GALNT12: variants seen among roughly 807,000 people sequenced by gnomAD.
GALNT12 encodes UDP-GalNAc:polypeptide N-acetylgalactosaminyltransferase 12.
GALNT12 carries 45 observed loss-of-function variants against 55.5 expected under a neutral mutation model. That is an observed-to-expected ratio of 0.81 (90% CI 0.64 to 1.04). The LOEUF is 1.04. Among genes scored for constraint, GALNT12 ranks in the 50% least tolerant of loss-of-function variants. GALNT12 has a pLI of 0.00. For missense variants in GALNT12, 709 were observed against 754.8 expected (o/e 0.94, Z 0.71); for synonymous variants, 304 against 312.2 (o/e 0.97, Z 0.28).
At chr9:98,826,033 T>C (rs1177947795) in intron 2 of GALNT12, among the ~76,000 whole-genome samples, 2 of 152,074 alleles carry the variant, frequency 1.3e-5, no homozygotes, top group Non-Finnish European at 1.5e-5. Context: ...ATAGACAGGC[T>C]CTCACTCCGG....
At chr9:98,813,153 T>G (rs1305786322) in intron 1 of GALNT12, among the ~76,000 whole-genome samples, 1 of 152,262 alleles carries the variant, frequency 6.6e-6, no homozygotes, top group East Asian at 1.9e-4. Flanking sequence ...GAGAGGTCTA[T>G]TGTTAGTCCT....
At chr9:98,827,638 C>A (rs1325434837) in intron 3 of GALNT12, among the ~76,000 whole-genome samples, 1 of 152,120 alleles carries the variant, frequency 6.6e-6, no homozygotes, top group Non-Finnish European at 1.5e-5. Flanking sequence ...CCAGGAGGAA[C>A]AATGCCTAGG....
chr9:98,823,369 C>T lies in GALNT12; in HGVS notation c.485C>T (p.Thr162Ile), dbSNP rs746381338. The T allele has an allele frequency of 3.7e-6, 6 of 1,614,044 alleles. No individual in the cohort carries two copies. Among genetic ancestry groups the T allele is most frequent in the Non-Finnish European group, 4.2e-6 (5 of 1,179,970 alleles). The change falls in exon 2 of 10, where the codon ACA becomes ATA. Residue 162 changes from threonine to isoleucine, a missense_variant. Around this residue, in one of 5 missense-constraint regions of GALNT12, gnomAD observed 315 missense variants for 288.6 expected, o/e 1.09. Transcript: ENST00000375011. ...CGGACAGTTTACAGTGTCCTTGAGA[C>T]ATCCCCGGATATCCTGCTAGAAGAA... ...LLRTVYSVLE[T>I]SPDILLEEVI...
intron 7 of GALNT12, among the ~76,000 whole-genome samples, chr9:98,842,363 T>C (rs10987943): frequency 0.26 from 39,360 of 151,660 alleles, 5,369 homozygotes; most frequent in East Asian, 0.34. Context: ...TTTATTTTTA[T>C]TTTTAGTAAA....
At chr9:98,808,112 C>G in intron 1 of GALNT12, 43 bp downstream of exon 1, 1 of 1,490,316 alleles carries the variant, frequency 6.7e-7, no homozygotes, top group Non-Finnish European at 9.1e-7. Flanking sequence ...CTCAGAGCCC[C>G]GGGCCTCAGT....
intron 1 of GALNT12, among the ~76,000 whole-genome samples, chr9:98,813,700 A>G (rs567608890): frequency 6.6e-6 from 1 of 152,036 alleles, no homozygotes; most frequent in African/African-American, 2.4e-5. Flanking sequence ...GGGTTTCACC[A>G]TGTTGGTCAG....
chr9:98,827,358 A>C lies in GALNT12; in HGVS notation c.731+417A>C, dbSNP rs141377232. Among the ~76,000 whole-genome samples the C allele has an allele frequency of 6.6e-3, 1,001 of 151,582 alleles. 11 individuals carry two copies. The highest frequency in any genetic ancestry group is 0.022 in the African/African-American group (915 of 41,296). ...TGGGATTACAGGCATGCACCACCAC[A>C]CCTGGCTAATTTTATATTTTTTTGT... is the stretch of plus-strand genomic sequence containing the variant. On this transcript the variant is annotated intron_variant, in intron 3 of 9. Transcript: ENST00000375011.
chr9:98,844,007 C>T, intron 7 of GALNT12, 89 bp from the exon 8 acceptor site: 2 of 871,154 alleles, frequency 2.3e-6, no homozygotes, highest in Non-Finnish European at 3.9e-6. Context: ...AGGCTCTCCT[C>T]TCATGCCAGG....
chr9:98,820,374 G>T (rs930485114), intron 1 of GALNT12, among the ~76,000 whole-genome samples: 48 of 152,158 alleles, frequency 3.2e-4, no homozygotes, highest in African/African-American at 1.1e-3. Flanking sequence ...GCATTAGTTT[G>T]CTGAGGATGA....
chr9:98,839,889 C>T (rs2277189), intron 6 of GALNT12, 113 bp from the exon 7 acceptor site: 1 of 1,336,706 alleles, frequency 7.5e-7, no homozygotes, highest in Non-Finnish European at 1.1e-6. Context: ...TGGCATGCGA[C>T]GAATGCTCCA....
intron 7 of GALNT12, among the ~76,000 whole-genome samples, chr9:98,842,466 G>A (rs10987944): frequency 0.017 from 2,553 of 152,218 alleles, 136 homozygotes; most frequent in East Asian, 0.12. Flanking sequence ...TGGGATTACA[G>A]GTATGAGCCA....
intron 1 of GALNT12, among the ~76,000 whole-genome samples, chr9:98,819,216 A>G (rs181659380): frequency 6.6e-6 from 1 of 152,334 alleles, no homozygotes; most frequent in East Asian, 1.9e-4. Flanking sequence ...ATATCCACAA[A>G]TTCTTTGATA....
rs11792605 is a variant in GALNT12 at position 98,818,245 on chromosome 9, C to T, written c.372-5011C>T. 6.0e-3 allele frequency among the ~76,000 whole-genome samples: 902 copies of T among 151,044 alleles called. 5 individuals carry two copies. Among genetic ancestry groups the T allele is most frequent in the South Asian group, 0.024 (116 of 4,802 alleles). ...AACTTATTATTTTTTTTTTTTTAGA[C>T]GAAGTCTCGCTCTGTTGCCCAGTCT... On this transcript the variant is annotated intron_variant, in intron 1 of 9. Coordinates refer to ENST00000375011, the MANE Select transcript of GALNT12 (RefSeq NM_024642.5).
rs146690078 is a variant in GALNT12 at position 98,831,790 on chromosome 9, G to A, written c.750G>A (p.Ser250=). The A allele has an allele frequency of 6.5e-4, 1,043 of 1,614,190 alleles. No individual in the cohort carries two copies. Among genetic ancestry groups the A allele is most frequent in the East Asian group, 8.7e-4 (39 of 44,876 alleles). Residue 250 remains serine (S), a synonymous_variant, in exon 4 of 10, where the codon TCG becomes TCA. Coordinates refer to ENST00000375011, the MANE Select transcript of GALNT12 (RefSeq NM_024642.5). ...PLLQRIHEEE[S]AVVCPVIDVI... Reference sequence around the variant, plus strand: ...CTTTCAGGATCCATGAAGAGGAGTCGGCAGTGGTGTGCCCGGTGATTGATG... The same window carrying A: ...CTTTCAGGATCCATGAAGAGGAGTCAGCAGTGGTGTGCCCGGTGATTGATG...
rs999235992 is a variant in GALNT12 at position 98,826,888 on chromosome 9, C to G, written c.678C>G (p.Phe226Leu). Residue 226 changes from phenylalanine to leucine, a missense_variant, in exon 3 of 10, where the codon TTC (phenylalanine) becomes TTG (leucine). Physicochemically the swap from Phe to Leu is conservative, Grantham distance 22. This residue lies in a region of GALNT12 where 315 missense variants were observed against 288.6 expected (regional missense o/e 1.09). Transcript: ENST00000375011. ...CGGCGAGGGGCGATGTTCTGACCTT[C>G]CTGGACTGTCACTGTGAGTGCCACG... ...ASAARGDVLT[F>L]LDCHCECHEG... The G allele has an allele frequency of 1.3e-6, 2 of 1,588,338 alleles. No homozygotes were observed. The highest frequency in any genetic ancestry group is 2.7e-5 in the African/African-American group (2 of 74,554).
At chr9:98,819,344 G>C (rs1251200837) in intron 1 of GALNT12, among the ~76,000 whole-genome samples, 3 of 152,222 alleles carry the variant, frequency 2.0e-5, no homozygotes, top group African/African-American at 7.2e-5. Flanking sequence ...TGCATGAGTT[G>C]AAAGCCTATG....
chr9:98,828,679 ATTG>A (rs1204183581), intron 3 of GALNT12, among the ~76,000 whole-genome samples: 2 of 152,186 alleles, frequency 1.3e-5, no homozygotes, highest in Non-Finnish European at 2.9e-5. Flanking sequence ...TTAATTTTTA[ATTG>A]TTGTGGGTAA....
chr9:98,842,067 G>T (rs534701589), intron 7 of GALNT12, among the ~76,000 whole-genome samples: 4 of 75,818 alleles, frequency 5.3e-5, no homozygotes, highest in African/African-American at 1.9e-4. Flanking sequence ...GTATCTACTG[G>T]GTTGTTTTTT....
At chr9:98,809,712 G>A (rs1835452193) in intron 1 of GALNT12, among the ~76,000 whole-genome samples, 1 of 152,226 alleles carries the variant, frequency 6.6e-6, no homozygotes, top group Non-Finnish European at 1.5e-5. Context: ...TGCCAAGAAT[G>A]TACTCAAGAG....
Sources: gnomAD v4.1 joint callset for allele counts (sites outside exome capture counted in the v4.1 genomes callset) on GRCh38, gnomAD v4.1.1 for gene constraint, gnomAD v4.1.1 regional missense constraint, MANE v1.5 for transcripts, NCBI Gene and HGNC (gene_info 2026-07-23, HGNC 2026-07-21) for gene names.